The following DAPK1 variants were observed in gnomAD, a reference collection of about 807,000 sequenced individuals.
DAPK1 encodes the protein death-associated protein kinase 1.
Under a neutral mutation model 144.9 loss-of-function variants are expected in DAPK1, and 56 were observed. That is an observed-to-expected ratio of 0.39 (90% CI 0.31 to 0.48). The LOEUF is 0.48. Among genes scored for constraint, DAPK1 ranks in the 20% least tolerant of loss-of-function variants. The pLI, the probability that DAPK1 is intolerant of heterozygous loss-of-function variation, is 0.95. For missense variants in DAPK1, 1,454 were observed against 1,875.4 expected (o/e 0.78, Z 4.15); for synonymous variants, 690 against 749.0 (o/e 0.92, Z 1.29).
At chr9:87,543,607 T>G (rs925831007) in intron 2 of DAPK1, among the ~76,000 whole-genome samples, 2 of 152,230 alleles carry the variant, frequency 1.3e-5, no homozygotes, top group Non-Finnish European at 2.9e-5. Flanking sequence ...AAATAGTTGC[T>G]TTATTAAGCA....
At chr9:87,502,390 T>C (rs1824436230) in intron 2 of DAPK1, among the ~76,000 whole-genome samples, 1 of 152,156 alleles carries the variant, frequency 6.6e-6, no homozygotes, top group Non-Finnish European at 1.5e-5. Context: ...GCCTCCATGA[T>C]GTGTAATAGT....
At chr9:87,659,704 G>A (rs1250093782) in intron 18 of DAPK1, among the ~76,000 whole-genome samples, 3 of 152,082 alleles carry the variant, frequency 2.0e-5, no homozygotes, top group South Asian at 2.1e-4. Flanking sequence ...TTGCTCTCCC[G>A]CTTGCCACCG....
At chr9:87,636,039 G>A (rs1210164838) in intron 3 of DAPK1, among the ~76,000 whole-genome samples, 5 of 152,328 alleles carry the variant, frequency 3.3e-5, no homozygotes, top group African/African-American at 1.2e-4. Context: ...AGAATAAGAT[G>A]CAAAAGTGAG....
In DAPK1 at chr9:87,643,444, T is replaced by C; in HGVS notation, c.987T>C (p.Ser329=). ...CATTCCTGTCCAGAAGTAACATGAGTGTTGCCAGAAGCGATGATACTCTGG... is the reference window on the plus strand; with the variant it reads ...CATTCCTGTCCAGAAGTAACATGAGCGTTGCCAGAAGCGATGATACTCTGG... ...SRSFLSRSNM[S]VARSDDTLDE... is the part of the protein sequence containing the mutation. The change falls in exon 11 of 26, where the codon AGT becomes AGC. Residue 329 remains serine, a synonymous_variant. Coordinates refer to ENST00000408954, the MANE Select transcript of DAPK1 (RefSeq NM_004938.4). 1 of 1,609,524 alleles carries C rather than the reference T, an allele frequency of 6.2e-7. No individual in the cohort carries two copies. Among genetic ancestry groups the C allele is most frequent in the Non-Finnish European group, 8.5e-7 (1 of 1,178,372 alleles).
chr9:87,526,167 G>A (rs1825500745), intron 2 of DAPK1, among the ~76,000 whole-genome samples: 1 of 151,474 alleles, frequency 6.6e-6, no homozygotes, highest in Non-Finnish European at 1.5e-5. Context: ...AAAAACAGAA[G>A]GAAAAAAGGT....
rs561644576 is a variant in DAPK1, at chr9:87,573,154, G to A, written c.63-31800G>A. Among the ~76,000 whole-genome samples, 6 of 152,336 alleles carry A rather than the reference G, an allele frequency of 3.9e-5. No individual in the cohort carries two copies. The South Asian group carries it at 1.0e-3, about 26-fold the overall frequency. On this transcript the variant is annotated intron_variant, in intron 2 of 25. Coordinates refer to ENST00000408954, the MANE Select transcript of DAPK1 (RefSeq NM_004938.4). ...TAATACCTCTGACTGCATGTTAAAT[G>A]GCTCTGACTGCATGTCAAATGGTAT...
chr9:87,571,432 C>G (rs1380631389), intron 2 of DAPK1, among the ~76,000 whole-genome samples: 1 of 128,820 alleles, frequency 7.8e-6, no homozygotes, highest in Admixed American at 8.2e-5. Flanking sequence ...ATCCCCCACC[C>G]CCCAACACAC....
At chr9:87,691,101 C>G (rs911889318) in intron 21 of DAPK1, among the ~76,000 whole-genome samples, 1 of 151,876 alleles carries the variant, frequency 6.6e-6, no homozygotes, top group Non-Finnish European at 1.5e-5. Context: ...TGAGGAGAAT[C>G]ATTAGTTCTT....
intron 3 of DAPK1, among the ~76,000 whole-genome samples, chr9:87,615,643 GT>G (rs1829069374): frequency 6.6e-6 from 1 of 152,230 alleles, no homozygotes; most frequent in South Asian, 2.1e-4. Flanking sequence ...AGAGGATATG[GT>G]TAAACAACTG....
chr9:87,503,463 T>C lies in DAPK1; in HGVS notation c.62+4324T>C, dbSNP rs547352431. Among the ~76,000 whole-genome samples, 66 of 152,184 alleles carry C rather than the reference T, an allele frequency of 4.3e-4. 1 individual carries two copies. The highest frequency in any genetic ancestry group is 6.8e-4 in the Non-Finnish European group (46 of 68,042). On this transcript the variant is annotated intron_variant, in intron 2 of 25. Transcript: ENST00000408954. ...ATCATTTTTATTATTTTTAATAACC[T>C]GTTTTCTCCATCACAGCATTTACCA...
chr9:87,507,866 T>C (rs1408753928), intron 2 of DAPK1, among the ~76,000 whole-genome samples: 1 of 152,212 alleles, frequency 6.6e-6, no homozygotes, highest in Admixed American at 6.5e-5. Context: ...TGATTATTCT[T>C]ATTTAGGAAA....
At position 87,640,369 on chromosome 9, in the gene DAPK1, A is replaced by T; in HGVS notation, c.701A>T (p.Tyr234Phe). The T allele has an allele frequency of 6.2e-7, 1 of 1,614,200 alleles. No individual in the cohort carries two copies. The highest frequency in any genetic ancestry group is 8.5e-7 in the Non-Finnish European group (1 of 1,179,992). Residue 234 changes from tyrosine to phenylalanine, a missense_variant, in exon 8 of 26, where the codon TAC becomes TTC. Tyr to Phe is a conservative substitution (Grantham distance 22). Transcript: ENST00000408954. The part of the protein sequence containing the change: ...ETLANVSAVN[Y>F]EFEDEYFSNT... The stretch of plus-strand genomic sequence containing the variant: ...TTAGCAAATGTATCCGCTGTCAACT[A>T]CGAATTTGAGGATGAATACTTCAGT...
At chr9:87,633,800 G>A (rs1005027237) in intron 3 of DAPK1, among the ~76,000 whole-genome samples, 2 of 152,210 alleles carry the variant, frequency 1.3e-5, no homozygotes, top group African/African-American at 2.4e-5. Flanking sequence ...GCCTTCTATG[G>A]CTATGTAAAA....
intron 14 of DAPK1, among the ~76,000 whole-genome samples, chr9:87,647,887 T>TGATA (rs1401189901): frequency 1.3e-5 from 2 of 152,232 alleles, no homozygotes; most frequent in Non-Finnish European, 2.9e-5. Flanking sequence ...AAGTTACTGA[T>TGATA]TTATCAAGAT....
intron 2 of DAPK1, among the ~76,000 whole-genome samples, chr9:87,512,997 G>A (rs1824907585): frequency 6.6e-6 from 1 of 152,120 alleles, no homozygotes; most frequent in Non-Finnish European, 1.5e-5. Context: ...GGGCTTGTTG[G>A]GTGGGTATCT....
chr9:87,508,517 T>C lies in DAPK1; in HGVS notation c.62+9378T>C, dbSNP rs892263252. 5.3e-5 allele frequency among the ~76,000 whole-genome samples: 8 copies of C among 151,946 alleles called. No individual in the cohort carries two copies. The East Asian group carries it at 1.4e-3, about 26-fold the overall frequency. On this transcript the variant is annotated intron_variant, in intron 2 of 25. Coordinates refer to ENST00000408954, the MANE Select transcript of DAPK1 (RefSeq NM_004938.4). ...GCCACCACACCTGGCTAATTTTTGG[T>C]ATTTTTAGTAGAGTCAGGGTTTCAC...
intron 2 of DAPK1, among the ~76,000 whole-genome samples, chr9:87,601,445 G>A (rs1427561155): frequency 1.3e-5 from 2 of 152,210 alleles, no homozygotes; most frequent in Non-Finnish European, 2.9e-5. Flanking sequence ...AGCAAAAGGA[G>A]GAAGGGAGTG....
At position 87,706,411 on chromosome 9, in the gene DAPK1, C is replaced by T. The variant is rs1482544329; in HGVS notation, c.3340C>T (p.Arg1114Cys). ...PALIKTDNLH[R>C]SWADEEDEVM... ...CCTGATCAAGACAGACAACCTGCAC[C>T]GCTCCTGGGCTGATGAGGAGGACGA... The change falls in exon 26 of 26, where the codon CGC (arginine) becomes TGC (cysteine). Residue 1114 changes from arginine (R) to cysteine (C), a missense_variant. Coordinates refer to ENST00000408954, the MANE Select transcript of DAPK1 (RefSeq NM_004938.4). This position sits in a 1 kb window ranked among gnomAD's most constrained non-coding sequence, Gnocchi z 9.0. 37 of 1,612,786 alleles carry T rather than the reference C, an allele frequency of 2.3e-5. No individual in the cohort carries two copies. In the Admixed American group the frequency reaches 5.8e-4, roughly 25 times the overall value.
chr9:87,499,347 T>A, intron 2 of DAPK1: 1 of 577,472 alleles, frequency 1.7e-6, no homozygotes, highest in Non-Finnish European at 3.1e-6. Flanking sequence ...AGTTCAGGGC[T>A]AGATTATGAT....
Sources: gnomAD v4.1 joint callset for allele counts (sites outside exome capture counted in the v4.1 genomes callset) on GRCh38, gnomAD v4.1.1 for gene constraint, Gnocchi (gnomAD v3.1) non-coding constraint, MANE v1.5 for transcripts, NCBI Gene and HGNC (gene_info 2026-07-23, HGNC 2026-07-21) for gene names.